Variants in TEP1 observed in about 807,000 individuals in gnomAD.
TEP1 encodes the protein telomerase protein component 1.
TEP1 carries 241 observed loss-of-function variants against 306.3 expected under a neutral mutation model. The ratio of observed to expected loss-of-function variants is 0.79; its 90% confidence interval spans 0.71 to 0.88. TEP1 has a LOEUF of 0.88. Ranked by LOEUF, TEP1 falls within the 40% of genes least tolerant of loss-of-function variation. The pLI, the probability that TEP1 is intolerant of heterozygous loss-of-function variation, is 0.00. For synonymous variants in TEP1, 1,289 were observed against 1,305.5 expected (o/e 0.99, Z 0.27); for missense variants, 3,051 against 3,276.1 (o/e 0.93, Z 1.68).
Position 20,372,862 on chromosome 14 carries a change from T to G in TEP1, c.6952-5A>C. 6.2e-7 allele frequency: 1 copy of G among 1,614,186 alleles called. No homozygotes were observed. Among genetic ancestry groups the G allele is most frequent in the South Asian group, 1.1e-5 (1 of 91,056 alleles). ...AGCACCAATGTGGCCTGGAGCCTGG[T>G]GTACACAACAAGTTCAATTCAGTGC... On this transcript the variant is annotated splice_region_variant and splice_polypyrimidine_tract_variant and intron_variant, in intron 48 of 54. Transcript: ENST00000262715.
At chr14:20,388,426 G>GA (rs1877397875) in intron 17 of TEP1, among the ~76,000 whole-genome samples, 2 of 152,186 alleles carry the variant, frequency 1.3e-5, no homozygotes, top group African/African-American at 2.4e-5. Context: ...GAATGTGCCT[G>GA]AGGCTTTCTC....
At chr14:20,408,993 T>C (rs1879424732) in intron 1 of TEP1, among the ~76,000 whole-genome samples, 2 of 152,116 alleles carry the variant, frequency 1.3e-5, no homozygotes, top group Non-Finnish European at 2.9e-5. Context: ...TGTGGGTTCA[T>C]AGCTCCAGAG....
Position 20,383,482 on chromosome 14 carries a change from A to G in TEP1, c.3867+6T>C, listed in dbSNP as rs1327628217. 1 of 1,613,910 alleles carries G rather than the reference A, an allele frequency of 6.2e-7. No individual in the cohort carries two copies. Among genetic ancestry groups the G allele is most frequent in the East Asian group, 2.2e-5 (1 of 44,862 alleles). ...CTCCCGACACCCACCTCCTTCTCAC[A>G]CTCACCCGGGGAAGCTTCTTTGGGA... On this transcript the variant is annotated splice_donor_region_variant and intron_variant, in intron 26 of 54. Transcript: ENST00000262715.
rs907448592 is a variant in TEP1, at chr14:20,408,392, G to A, written c.48C>T (p.Ser16=). The A allele has an allele frequency of 1.9e-6, 3 of 1,614,016 alleles. No individual in the cohort carries two copies. In the African/African-American group the frequency reaches 4.0e-5, roughly 22 times the overall value. The part of the protein sequence containing the change: ...GHVSAHPDIL[S]LENRCLAMLP... ...GCATAGCCAGGCACCGGTTCTCCAAGGAGAGGATGTCTGGATGGGCAGACA... is the reference window on the plus strand; with the variant it reads ...GCATAGCCAGGCACCGGTTCTCCAAAGAGAGGATGTCTGGATGGGCAGACA... The change falls in exon 2 of 55, where the codon TCC becomes TCT. Residue 16 remains serine, a synonymous_variant. Transcript: ENST00000262715.
In TEP1 at chr14:20,412,908, C is replaced by G. The variant is rs1879787034; in HGVS notation, c.-25+497G>C. ...CTCCTGACCTCAGGTGATCCCCAAC[C>G]TCCGCCTCCCAAAGTGCTGGGATTA... is the stretch of plus-strand genomic sequence containing the variant. On this transcript the variant is annotated intron_variant, in intron 1 of 54. Transcript: ENST00000262715. Among the ~76,000 whole-genome samples, 3 of 152,080 alleles carry G rather than the reference C, an allele frequency of 2.0e-5. No individual in the cohort carries two copies. In the South Asian group the frequency reaches 6.2e-4, roughly 32 times the overall value.
intron 33 of TEP1, 51 bp from the exon 34 acceptor site, chr14:20,380,526 C>T (rs1424237396): frequency 6.4e-7 from 1 of 1,563,652 alleles, no homozygotes; most frequent in Non-Finnish European, 8.6e-7. Flanking sequence ...ACCCCATTAG[C>T]CCCAGCACCA....
intron 9 of TEP1, among the ~76,000 whole-genome samples, chr14:20,398,035 G>C (rs1162955143): frequency 6.6e-6 from 1 of 151,724 alleles, no homozygotes; most frequent in East Asian, 1.9e-4. Context: ...TTACAGGCGT[G>C]AGCCACCATG....
In TEP1 at chr14:20,380,396, A is replaced by T. The variant is rs767694405; in HGVS notation, c.4842T>A (p.Ala1614=). 4.3e-6 allele frequency: 7 copies of T among 1,614,078 alleles called. No individual in the cohort carries two copies. The South Asian group carries it at 7.7e-5, about 18-fold the overall frequency. Residue 1614 remains alanine (A), a synonymous_variant, in exon 34 of 55, where the codon GCT becomes GCA. Coordinates refer to ENST00000262715, the MANE Select transcript of TEP1 (RefSeq NM_007110.5). ...GCCGGGGGTACTGGCTGAGGATTGA[A>T]GCCTGCTGCCTCAGGAAGGTGCGAA... ...AVFRTFLRQQ[A]SILSQYPRLL... is the part of the protein sequence containing the mutation.
chr14:20,371,196 C>A, intron 51 of TEP1, 22 bp downstream of exon 51: 2 of 1,600,282 alleles, frequency 1.2e-6, no homozygotes, highest in Non-Finnish European at 1.7e-6. Flanking sequence ...TTTGCTTTAG[C>A]ACACACTCAA....
chr14:20,383,782 C>A lies in TEP1; in HGVS notation c.3671G>T (p.Gly1224Val). The A allele has an allele frequency of 6.2e-7, 1 of 1,611,208 alleles. No homozygotes were observed. ...LLRRLCTYLR[G>V]QLKEPGALPS... Reference sequence around the variant, plus strand: ...GAGGGCACCTGGCTCTTTTAGTTGGCCACGCAGATAGGTACAGAGGCGTCT... The same window carrying A: ...GAGGGCACCTGGCTCTTTTAGTTGGACACGCAGATAGGTACAGAGGCGTCT... Residue 1224 changes from glycine (G) to valine (V), a missense_variant, in exon 25 of 55, where the codon GGC becomes GTC. Coordinates refer to ENST00000262715, the MANE Select transcript of TEP1 (RefSeq NM_007110.5).
Position 20,391,025 on chromosome 14 carries a change from C to G in TEP1, c.2169G>C (p.Leu723=), listed in dbSNP as rs763778595. The change falls in exon 14 of 55, where the codon CTG becomes CTC. Residue 723 remains leucine, a synonymous_variant. Transcript: ENST00000262715. ...CAGTCTTCAGAGTGTCACCTCCACA[C>G]AGCACGACGTCCACCTGCTCCGCCC... The part of the protein sequence containing the change: ...ITRAEQVDVV[L]CGGDTLKTAV... The G allele has an allele frequency of 1.4e-5, 23 of 1,614,044 alleles. No homozygotes were observed. Among genetic ancestry groups the G allele is most frequent in the Admixed American group, 1.7e-5 (1 of 59,996 alleles).
At chr14:20,388,491 A>C (rs1157004813) in intron 17 of TEP1, among the ~76,000 whole-genome samples, 1 of 152,226 alleles carries the variant, frequency 6.6e-6, no homozygotes, top group African/African-American at 2.4e-5. Context: ...GGAGAAAACA[A>C]GTAAATAAGA....
intron 17 of TEP1, 104 bp downstream of exon 17, chr14:20,389,134 T>G: frequency 2.4e-5 from 25 of 1,046,326 alleles, no homozygotes; most frequent in Non-Finnish European, 3.3e-5. Context: ...AGCGACAGAG[T>G]GAGATTCTGT....
chr14:20,392,517 T>C (rs1877812316), intron 12 of TEP1, among the ~76,000 whole-genome samples: 1 of 152,210 alleles, frequency 6.6e-6, no homozygotes, highest in Non-Finnish European at 1.5e-5. Flanking sequence ...GATGACATCA[T>C]GAGGAAGGAG....
In TEP1 at chr14:20,405,486, C is replaced by G. The variant is rs775804905; in HGVS notation, c.835G>C (p.Glu279Gln). ...AACTCAGGCTCCAGGAGGGCAAGTT[C>G]ACGACAGATTTCAAAAATGGCAGCC... ...TLAAIFEICR[E>Q]LALLEPEFIL... Residue 279 changes from glutamate (E) to glutamine (Q), a missense_variant, in exon 4 of 55, where the codon GAA (glutamate) becomes CAA (glutamine). Physicochemically the swap from Glu to Gln is conservative, Grantham distance 29 (BLOSUM62 2). Transcript: ENST00000262715. 2.5e-6 allele frequency: 4 copies of G among 1,614,144 alleles called. No homozygotes were observed. Among genetic ancestry groups the G allele is most frequent in the Non-Finnish European group, 3.4e-6 (4 of 1,180,028 alleles).
chr14:20,408,922 C>T (rs35259162), intron 1 of TEP1, among the ~76,000 whole-genome samples: 42,292 of 151,872 alleles, frequency 0.28, 5,989 homozygotes, highest in Non-Finnish European at 0.29. Flanking sequence ...CCCTGACCCC[C>T]GCTGCAGGAC....
intron 39 of TEP1, 23 bp downstream of exon 39, chr14:20,378,001 C>T (rs1885295363): frequency 1.9e-6 from 3 of 1,611,146 alleles, no homozygotes; most frequent in Non-Finnish European, 2.5e-6. Flanking sequence ...TCACAACCCA[C>T]CACCAGCCCT....
rs1178199993 is a variant in TEP1 at position 20,379,027 on chromosome 14, C to T, written c.5206G>A (p.Ala1736Thr). 6.2e-7 allele frequency: 1 copy of T among 1,614,218 alleles called. No homozygotes were observed. The highest frequency in any genetic ancestry group is 8.5e-7 in the Non-Finnish European group (1 of 1,180,042). Reference sequence around the variant, plus strand: ...CAGAGCTCCAGGAGCCCGTCGAAGGCAGTAAGAAAGAGTGTATCATCGGAG... The same window carrying T: ...CAGAGCTCCAGGAGCCCGTCGAAGGTAGTAAGAAAGAGTGTATCATCGGAG... ...FLSDDTLFLT[A>T]FDGLLELWDL... Residue 1736 changes from alanine to threonine, a missense_variant, in exon 36 of 55, where the codon GCC becomes ACC. Physicochemically the swap from Ala to Thr is moderately conservative, Grantham distance 58. This residue lies in a region of TEP1 where 1,540 missense variants were observed against 1,705.9 expected (regional missense o/e 0.90). Coordinates refer to ENST00000262715, the MANE Select transcript of TEP1 (RefSeq NM_007110.5).
chr14:20,386,640 A>G lies in TEP1; in HGVS notation c.2685-17T>C. On this transcript the variant is annotated splice_polypyrimidine_tract_variant and intron_variant, in intron 18 of 54. Transcript: ENST00000262715. ...CTGCGCCATCTGGGGATAAGCAGAG[A>G]GCTGGGCTCAGTCTAGGGATGATTC... 6.3e-7 allele frequency: 1 copy of G among 1,575,272 alleles called. No homozygotes were observed. Among genetic ancestry groups the G allele is most frequent in the Non-Finnish European group, 8.6e-7 (1 of 1,157,678 alleles).
Sources: gnomAD v4.1 joint callset for allele counts (sites outside exome capture counted in the v4.1 genomes callset) on GRCh38, gnomAD v4.1.1 for gene constraint, gnomAD v4.1.1 regional missense constraint, MANE v1.5 for transcripts, NCBI Gene and HGNC (gene_info 2026-07-23, HGNC 2026-07-21) for gene names.